Variants in SMARCC2 observed in about 807,000 individuals in gnomAD.
SMARCC2 encodes the protein SWI/SNF complex subunit SMARCC2.
Under a neutral mutation model 151.3 loss-of-function variants are expected in SMARCC2, and 15 were observed. The observed-to-expected ratio is 0.10, with a 90% confidence interval of 0.07 to 0.15. The LOEUF (loss-of-function observed/expected upper bound fraction) is 0.15. Ranked by LOEUF, SMARCC2 falls within the 10% of genes least tolerant of loss-of-function variation. The pLI is 1.00. For missense variants in SMARCC2, 1,031 were observed against 1,599.7 expected, an observed-to-expected ratio of 0.64 and a Z score of 6.06; for synonymous variants, 590 against 609.5, an observed-to-expected ratio of 0.97 and a Z score of 0.47.
In SMARCC2 at chr12:56,171,431, C is replaced by T. The variant is rs367569442; in HGVS notation, c.2187G>A (p.Glu729=). ...VASAAAKSAL[E]EFSKMKEEVP... is the part of the protein sequence containing the mutation. ...CCTCTTCCTTCATTTTGGAGAACTC[C>T]TCTGCAAGACCCAGAAAGAATGAGG... Residue 729 remains glutamate (E), a splice_region_variant and synonymous_variant, in exon 22 of 29, where the codon GAG becomes GAA. Transcript: ENST00000550164. This position sits in a 1 kb window ranked among gnomAD's most constrained non-coding sequence, Gnocchi z 4.2. The T allele has an allele frequency of 3.1e-6, 5 of 1,614,084 alleles. No homozygotes were observed. In the African/African-American group the frequency reaches 4.0e-5, roughly 13 times the overall value.
At position 56,163,232 on chromosome 12, in the gene SMARCC2, C is replaced by A. The variant is rs1872127703; in HGVS notation, c.*457G>T. On this transcript the variant is annotated 3_prime_UTR_variant, in exon 29 of 29. Transcript: ENST00000550164. Reference sequence around the variant, plus strand: ...CAGAGCTCTCCCTGGAATCTTAATTCCCCTTTCCTAAAACTCACTCCCCCT... The same window carrying A: ...CAGAGCTCTCCCTGGAATCTTAATTACCCTTTCCTAAAACTCACTCCCCCT... 6.6e-6 allele frequency: 1 copy of A among 151,980 alleles called. No individual in the cohort carries two copies. The highest frequency in any genetic ancestry group is 2.1e-4 in the South Asian group (1 of 4,820). 9.4% of individuals were successfully genotyped at this position (151,980 alleles called of 1,614,324 possible). A position where few individuals can be genotyped will look rare whatever the true frequency, so the allele number is the denominator to read the frequency against.
rs1394779216 is a variant in SMARCC2, at chr12:56,171,420, T to C, written c.2198A>G (p.Lys733Arg). Residue 733 changes from lysine to arginine, a missense_variant, in exon 22 of 29, where the codon AAA becomes AGA. Lys to Arg is a conservative substitution (Grantham distance 26). This residue lies in a region of SMARCC2 where 51 missense variants were observed against 137.9 expected (regional missense o/e 0.37). Transcript: ENST00000550164. This position sits in a 1 kb window ranked among gnomAD's most constrained non-coding sequence, Gnocchi z 4.2. The part of the protein sequence containing the change: ...AAKSALEEFS[K>R]MKEEVPTALV... ...GGCCGTGGGTACCTCTTCCTTCATT[T>C]TGGAGAACTCCTCTGCAAGACCCAG... 2 of 1,614,204 alleles carry C rather than the reference T, an allele frequency of 1.2e-6. No individual in the cohort carries two copies. Among genetic ancestry groups the C allele is most frequent in the Non-Finnish European group, 8.5e-7 (1 of 1,180,038 alleles).
chr12:56,181,986 G>T lies in SMARCC2; in HGVS notation c.708+18C>A. On this transcript the variant is annotated intron_variant, in intron 8 of 28. Coordinates refer to ENST00000550164, the MANE Select transcript of SMARCC2 (RefSeq NM_001330288.2). ...CTGGCATTCTTTTTGGGGAAGAGGGGATACAAGAAAAGCTCACCTTCCTAG... is the reference window on the plus strand; with the variant it reads ...CTGGCATTCTTTTTGGGGAAGAGGGTATACAAGAAAAGCTCACCTTCCTAG... 1.2e-6 allele frequency: 2 copies of T among 1,601,672 alleles called. No individual in the cohort carries two copies. Among genetic ancestry groups the T allele is most frequent in the Non-Finnish European group, 1.7e-6 (2 of 1,170,838 alleles).
rs1873913188 is a variant in SMARCC2 at position 56,171,320 on chromosome 12, C to T, written c.2298G>A (p.Leu766=). The change falls in exon 22 of 29, where the codon CTG becomes CTA. Residue 766 remains leucine (L), a synonymous_variant. Transcript: ENST00000550164. The surrounding 1 kb of genome is among the most constrained non-coding windows in gnomAD (Gnocchi z 4.2). ...TGGTTCCTGCAATGCCACTGCTTTC[C>T]AGACCGAAGGCAGGGTCCGCCTTGC... is the stretch of plus-strand genomic sequence containing the variant. ...VTGKADPAFG[L]ESSGIAGTTS... 6.2e-7 allele frequency: 1 copy of T among 1,614,082 alleles called. No homozygotes were observed. Among genetic ancestry groups the T allele is most frequent in the South Asian group, 1.1e-5 (1 of 91,090 alleles).
At position 56,186,172 on chromosome 12, in the gene SMARCC2, G is replaced by A; in HGVS notation, c.300C>T (p.Phe100=). ...LCHILAAAYK[F]KSDQGWRRYD... The stretch of plus-strand genomic sequence containing the variant: ...CATCTCACCATCCCTGGTCACTCTT[G>A]AATTTGTAGGCAGCTGCAAGAATGT... Residue 100 remains phenylalanine (F), a synonymous_variant, in exon 3 of 29, where the codon TTC becomes TTT. Coordinates refer to ENST00000550164, the MANE Select transcript of SMARCC2 (RefSeq NM_001330288.2). 1 of 1,609,950 alleles carries A rather than the reference G, an allele frequency of 6.2e-7. No individual in the cohort carries two copies. Among genetic ancestry groups the A allele is most frequent in the Non-Finnish European group, 8.5e-7 (1 of 1,176,206 alleles).
chr12:56,182,709 G>A (rs2135739297), intron 7 of SMARCC2, among the ~76,000 whole-genome samples: 1 of 149,974 alleles, frequency 6.7e-6, no homozygotes, highest in South Asian at 2.1e-4. Context: ...CTCCTGCCTT[G>A]GCTTCCCAAA....
chr12:56,164,005 T>C (rs1565888976), intron 28 of SMARCC2, among the ~76,000 whole-genome samples: 2 of 152,186 alleles, frequency 1.3e-5, no homozygotes, highest in Non-Finnish European at 2.9e-5. Context: ...GGGATGCCAC[T>C]CAATCATCAT....
At position 56,169,648 on chromosome 12, in the gene SMARCC2, G is replaced by T. The variant is rs752857219; in HGVS notation, c.2596C>A (p.Leu866Met). 1 of 1,614,080 alleles carries T rather than the reference G, an allele frequency of 6.2e-7. No homozygotes were observed. Among genetic ancestry groups the T allele is most frequent in the Non-Finnish European group, 8.5e-7 (1 of 1,179,988 alleles). ...KEPKEGQEEV[L>M]KEVVESEGER... ...CCCTCAGACTCCACCACTTCCTTCA[G>T]CACTTCCTCCTGCCCTTCCTTTGGC... Residue 866 changes from leucine (L) to methionine (M), a missense_variant, in exon 25 of 29, where the codon CTG becomes ATG. Physicochemically the swap from Leu to Met is conservative, Grantham distance 15. Around this residue, in one of 12 missense-constraint regions of SMARCC2, gnomAD observed 119 missense variants for 184.2 expected, o/e 0.65. Transcript: ENST00000550164.
rs1306335703 is a variant in SMARCC2 at position 56,187,391 on chromosome 12, G to GAAGC, written c.112-89_112-86dup. On this transcript the variant is annotated intron_variant, in intron 1 of 28. Coordinates refer to ENST00000550164, the MANE Select transcript of SMARCC2 (RefSeq NM_001330288.2). ...CCATATTTCTCCCCCAGGGGCTCTG[G>GAAGC]AAGCATGTGGAGCAAAGAAAATAGT... 2.3e-6 allele frequency: 3 copies of GAAGC among 1,315,580 alleles called. No homozygotes were observed. The South Asian group carries it at 3.8e-5, about 17-fold the overall frequency. 81.5% of individuals were successfully genotyped at this position (1,315,580 alleles called of 1,614,324 possible).
chr12:56,169,721 GCC>G (rs1384337855), intron 24 of SMARCC2, 26 bp from the exon 25 acceptor site: 1 of 1,613,958 alleles, frequency 6.2e-7, no homozygotes, highest in Non-Finnish European at 8.5e-7. Context: ...GGTTGAGTTA[GCC>G]CCACAGCTTC....
intron 7 of SMARCC2, among the ~76,000 whole-genome samples, chr12:56,182,916 C>T (rs1876519449): frequency 6.7e-6 from 1 of 150,324 alleles, no homozygotes; most frequent in African/African-American, 2.5e-5. Context: ...ACAATGCAGA[C>T]TCAACCTCCT....
Position 56,169,616 on chromosome 12 carries a change from C to T in SMARCC2, c.2628G>A (p.Arg876=). 1 of 1,613,960 alleles carries T rather than the reference C, an allele frequency of 6.2e-7. No homozygotes were observed. Among genetic ancestry groups the T allele is most frequent in the Non-Finnish European group, 8.5e-7 (1 of 1,179,918 alleles). ...LKEVVESEGE[R]KTKVERDIGE... is the part of the protein sequence containing the mutation. ...CAATGTCCCGCTCCACCTTTGTCTT[C>T]CTTTCCCCCTCAGACTCCACCACTT... The change falls in exon 25 of 29, where the codon AGG becomes AGA. Residue 876 remains arginine (R), a synonymous_variant. Coordinates refer to ENST00000550164, the MANE Select transcript of SMARCC2 (RefSeq NM_001330288.2).
In SMARCC2 at chr12:56,182,981, A is replaced by G. The variant is rs542749105; in HGVS notation, c.632+880T>C. 2.8e-3 allele frequency among the ~76,000 whole-genome samples: 417 copies of G among 150,072 alleles called. 6 individuals are homozygous for G. Among genetic ancestry groups the G allele is most frequent in the African/African-American group, 9.9e-3 (401 of 40,702 alleles). On this transcript the variant is annotated intron_variant, in intron 7 of 28. Transcript: ENST00000550164. ...CCCAAGTAGCTAGGACTACAGGTGCATGCCACCATGCCCAGCTAATTTCTG... is the reference window on the plus strand; with the variant it reads ...CCCAAGTAGCTAGGACTACAGGTGCGTGCCACCATGCCCAGCTAATTTCTG...
chr12:56,181,675 G>T (rs200469263), intron 9 of SMARCC2, 29 bp downstream of exon 9: 26 of 1,613,822 alleles, frequency 1.6e-5, no homozygotes, highest in Non-Finnish European at 2.0e-5. Flanking sequence ...TGCTAAGGGC[G>T]CCAGGAAAAA....
At chr12:56,184,457 AATC>A in intron 5 of SMARCC2, 1 of 579,652 alleles carries the variant, frequency 1.7e-6, no homozygotes, top group Non-Finnish European at 3.1e-6. Flanking sequence ...TGCCAAAAAT[AATC>A]TTCTGAACAG....
intron 1 of SMARCC2, among the ~76,000 whole-genome samples, chr12:56,188,072 G>A (rs1030346908): frequency 6.6e-6 from 1 of 152,168 alleles, no homozygotes; most frequent in Non-Finnish European, 1.5e-5. Flanking sequence ...TCACAAAGAA[G>A]ACAGTGCCTC....
chr12:56,183,752 A>T, intron 7 of SMARCC2, 109 bp downstream of exon 7: 1 of 688,866 alleles, frequency 1.5e-6, no homozygotes, highest in Non-Finnish European at 2.5e-6. Context: ...AAAACAAATT[A>T]AGTGATCTAA....
In SMARCC2 at chr12:56,181,958, T is replaced by G. The variant is rs773644; in HGVS notation, c.708+46A>C. On this transcript the variant is annotated intron_variant, in intron 8 of 28. Transcript: ENST00000550164. ...TGTTTCACTTCCAAAGGGTAGACTG[T>G]TCCTGGCATTCTTTTTGGGGAAGAG... is the stretch of plus-strand genomic sequence containing the variant. The G allele has an allele frequency of 0.99, 1,563,836 of 1,582,470 alleles. 774,168 individuals are homozygous for G. The highest frequency in any genetic ancestry group is 1 in the East Asian group (44,653 of 44,654).
At chr12:56,174,393 T>C (rs2135699258) in intron 16 of SMARCC2, 1 of 347,812 alleles carries the variant, frequency 2.9e-6, no homozygotes, top group Admixed American at 4.3e-5. Context: ...ATTATAGGCA[T>C]GAGCCACCAC....
Sources: gnomAD v4.1 joint callset for allele counts (sites outside exome capture counted in the v4.1 genomes callset) on GRCh38, gnomAD v4.1.1 for gene constraint, gnomAD v4.1.1 regional missense constraint, Gnocchi (gnomAD v3.1) non-coding constraint, MANE v1.5 for transcripts, NCBI Gene and HGNC (gene_info 2026-07-23, HGNC 2026-07-21) for gene names.